MINPP1: variants seen among roughly 807,000 people sequenced by gnomAD.
The protein encoded by MINPP1 is multiple inositol polyphosphate phosphatase 1.
In MINPP1, 28 loss-of-function variants were observed where a neutral mutation model predicts 46.1. The ratio of observed to expected loss-of-function variants is 0.61; its 90% confidence interval spans 0.45 to 0.83. The LOEUF (loss-of-function observed/expected upper bound fraction) is 0.83, where lower values mean the gene tolerates loss of function less well. MINPP1 is among the 40% of genes least tolerant of loss of function. The pLI is 0.00. For synonymous variants in MINPP1, 268 were observed against 249.1 expected, an observed-to-expected ratio of 1.08 and a Z score of -0.72; for missense variants, 603 against 610.0, an observed-to-expected ratio of 0.99 and a Z score of 0.12.
chr10:87,515,572 G>A (rs891749629), intron 3 of MINPP1, among the ~76,000 whole-genome samples: 2 of 152,028 alleles, frequency 1.3e-5, no homozygotes, highest in Non-Finnish European at 2.9e-5. Flanking sequence ...ATTTACTTCA[G>A]CAATTTGTTA....
In MINPP1 at chr10:87,539,224, T is replaced by A. The variant is rs373829804; in HGVS notation, c.1068-12858T>A. On this transcript the variant is annotated intron_variant, in intron 4 of 4. Transcript: ENST00000371996. ...CAGACATTTATATAGATTACTCATT[T>A]GCTTTCATATATTTGTATTAATAGT... Among the ~76,000 whole-genome samples, 30 of 152,368 alleles carry A rather than the reference T, an allele frequency of 2.0e-4. No individual in the cohort carries two copies. In the South Asian group the frequency reaches 4.1e-3, roughly 21 times the overall value.
chr10:87,552,927 T>C lies in MINPP1; in HGVS notation c.*449T>C, dbSNP rs1341853663. 1 of 158,814 alleles carries C rather than the reference T, an allele frequency of 6.3e-6. No homozygotes were observed. The highest frequency in any genetic ancestry group is 1.4e-5 in the Non-Finnish European group (1 of 72,158). The allele number at this position is 158,814 out of a possible 1,614,324, so 9.8% of individuals were successfully genotyped here. ...AGGTAGGACAGCTCTAGCATTTTCTTAATCAGGAATATTGTGGTAAGCTGG... is the reference window on the plus strand; with the variant it reads ...AGGTAGGACAGCTCTAGCATTTTCTCAATCAGGAATATTGTGGTAAGCTGG... On this transcript the variant is annotated 3_prime_UTR_variant, in exon 5 of 5. Coordinates refer to ENST00000371996, the MANE Select transcript of MINPP1 (RefSeq NM_004897.5).
rs1304947621 is a variant in MINPP1 at position 87,505,049 on chromosome 10, C to T, written c.134C>T (p.Pro45Leu). The stretch of plus-strand genomic sequence containing the variant: ...GACCCGGTGGCCTCGTCGCTCAGCC[C>T]CTATTTCGGCACCAAGACTCGCTAC... Reference protein sequence around the residue: ...PRDPVASSLSPYFGTKTRYED... With the variant: ...PRDPVASSLSLYFGTKTRYED... Residue 45 changes from proline to leucine, a missense_variant, in exon 1 of 5, where the codon CCC becomes CTC. Coordinates refer to ENST00000371996, the MANE Select transcript of MINPP1 (RefSeq NM_004897.5). The surrounding 1 kb of genome is among the most constrained non-coding windows in gnomAD (Gnocchi z 4.4). 1 of 1,613,396 alleles carries T rather than the reference C, an allele frequency of 6.2e-7. No individual in the cohort carries two copies.
chr10:87,505,500 G>A lies in MINPP1; in HGVS notation c.585G>A (p.Leu195=), dbSNP rs151188172. 1.9e-5 allele frequency: 31 copies of A among 1,612,296 alleles called. No individual in the cohort carries two copies. The African/African-American group carries it at 2.8e-4, about 15-fold the overall frequency. Residue 195 remains leucine, a synonymous_variant, in exon 1 of 5, where the codon CTG becomes CTA. Transcript: ENST00000371996. The surrounding 1 kb of genome is among the most constrained non-coding windows in gnomAD (Gnocchi z 4.4). The part of the protein sequence containing the change: ...HRCMDSSAAF[L]QGLWQHYHPG... ...GCATGGATAGCAGCGCCGCCTTCCT[G>A]CAGGGGCTGTGGCAGCACTACCACC...
Position 87,504,943 on chromosome 10 carries a change from C to T in MINPP1, c.28C>T (p.Arg10Trp). 6.2e-7 allele frequency: 1 copy of T among 1,611,484 alleles called. No homozygotes were observed. Among genetic ancestry groups the T allele is most frequent in the Middle Eastern group, 1.7e-4 (1 of 6,054 alleles). ...GCTACGCGCGCCCGGCTGCCTCCTCCGGACCTCCGTAGCGCCTGCCGCGGC... is the reference window on the plus strand; with the variant it reads ...GCTACGCGCGCCCGGCTGCCTCCTCTGGACCTCCGTAGCGCCTGCCGCGGC... MLRAPGCLLRTSVAPAAALA... is the reference protein window; with the variant it reads MLRAPGCLLWTSVAPAAALA... Residue 10 changes from arginine (R) to tryptophan (W), a missense_variant, in exon 1 of 5, where the codon CGG (arginine) becomes TGG (tryptophan). This residue lies in a region of MINPP1 where 239 missense variants were observed against 189.4 expected (regional missense o/e 1.26). Transcript: ENST00000371996.
At chr10:87,506,683 A>G (rs1851256176) in intron 1 of MINPP1, among the ~76,000 whole-genome samples, 2 of 152,194 alleles carry the variant, frequency 1.3e-5, no homozygotes, top group Non-Finnish European at 1.5e-5. Flanking sequence ...TACCACAGAG[A>G]TGAGCAAGCA....
intron 3 of MINPP1, among the ~76,000 whole-genome samples, chr10:87,517,964 T>C (rs535925296): frequency 1.3e-5 from 2 of 150,372 alleles, no homozygotes; most frequent in South Asian, 4.2e-4. Context: ...ACCTGGCCTT[T>C]TTTTTTTTTT....
chr10:87,525,447 TTGTACA>T (rs1851563104), intron 4 of MINPP1, among the ~76,000 whole-genome samples: 1 of 152,240 alleles, frequency 6.6e-6, no homozygotes, highest in East Asian at 1.9e-4. Context: ...TTCTTCCATG[TTGTACA>T]TGTAGCAGTA....
At chr10:87,522,161 A>C (rs1028002473) in intron 4 of MINPP1, among the ~76,000 whole-genome samples, 1 of 152,224 alleles carries the variant, frequency 6.6e-6, no homozygotes, top group African/African-American at 2.4e-5. Flanking sequence ...GTAAAAAAAA[A>C]CGGAATGAAA....
At chr10:87,522,465 G>T (rs1851516436) in intron 4 of MINPP1, among the ~76,000 whole-genome samples, 1 of 152,068 alleles carries the variant, frequency 6.6e-6, no homozygotes, top group African/African-American at 2.4e-5. Flanking sequence ...CCAGACCACT[G>T]CAAAAAAGTG....
chr10:87,541,766 G>A (rs1851818651), intron 4 of MINPP1, among the ~76,000 whole-genome samples: 1 of 152,122 alleles, frequency 6.6e-6, no homozygotes, highest in African/African-American at 2.4e-5. Flanking sequence ...AGCGAGAGAA[G>A]GAAGAGGTCC....
intron 4 of MINPP1, among the ~76,000 whole-genome samples, chr10:87,522,394 T>A (rs10887725): frequency 0.71 from 107,402 of 152,058 alleles, 38,217 homozygotes; most frequent in African/African-American, 0.78. Context: ...CATTATTTTT[T>A]AAAACAGTTT....
intron 3 of MINPP1, among the ~76,000 whole-genome samples, chr10:87,519,756 G>C (rs1377707107): frequency 2.0e-5 from 3 of 151,896 alleles, no homozygotes; most frequent in Admixed American, 1.3e-4. Context: ...GGGAAGAAAG[G>C]TTTGTGACTA....
rs955382998 is a variant in MINPP1 at position 87,553,380 on chromosome 10, G to T, written c.*902G>T. On this transcript the variant is annotated 3_prime_UTR_variant, in exon 5 of 5. Coordinates refer to ENST00000371996, the MANE Select transcript of MINPP1 (RefSeq NM_004897.5). ...ATTTGCTATAATAAAGAAAATTCTT[G>T]TGACTTTACTACCAGGACTTTTCTC... The T allele has an allele frequency of 6.6e-6, 1 of 152,026 alleles. No homozygotes were observed. The highest frequency in any genetic ancestry group is 2.4e-5 in the African/African-American group (1 of 41,396). The allele number at this position is 152,026 out of a possible 1,614,324, so 9.4% of individuals were successfully genotyped here. A position where few individuals can be genotyped will look rare whatever the true frequency, so the allele number is the denominator to read the frequency against.
intron 4 of MINPP1, among the ~76,000 whole-genome samples, chr10:87,525,915 A>G (rs1036806168): frequency 1.3e-5 from 2 of 152,216 alleles, no homozygotes; most frequent in Admixed American, 6.5e-5. Flanking sequence ...ATAGTATTCC[A>G]TGGTGTATAA....
Position 87,552,154 on chromosome 10 carries a change from C to T in MINPP1, c.1140C>T (p.Leu380=), listed in dbSNP as rs1242167264. 6 of 1,613,694 alleles carry T rather than the reference C, an allele frequency of 3.7e-6. No homozygotes were observed. The highest frequency in any genetic ancestry group is 5.1e-6 in the Non-Finnish European group (6 of 1,179,752). Reference sequence around the variant, plus strand: ...AGACTCTTCTTCCACTGCTTTCTCTCATGGGCTACTTCAAAGACAAGGAAC... The same window carrying T: ...AGACTCTTCTTCCACTGCTTTCTCTTATGGGCTACTTCAAAGACAAGGAAC... The part of the protein sequence containing the change: ...HAETLLPLLS[L]MGYFKDKEPL... Residue 380 remains leucine (L), a synonymous_variant, in exon 5 of 5, where the codon CTC becomes CTT. Coordinates refer to ENST00000371996, the MANE Select transcript of MINPP1 (RefSeq NM_004897.5).
At chr10:87,540,550 T>C (rs1851801711) in intron 4 of MINPP1, among the ~76,000 whole-genome samples, 1 of 151,852 alleles carries the variant, frequency 6.6e-6, no homozygotes, top group Admixed American at 6.6e-5. Context: ...CATTCAGACA[T>C]ATACACATGC....
In MINPP1 at chr10:87,552,299, A is replaced by G. The variant is rs766831356; in HGVS notation, c.1285A>G (p.Lys429Glu). ...CCACTGTGAAAATGCTAAGACTCCT[A>G]AAGAACAATTCCGAGTGCAGATGTT... ...LYHCENAKTPKEQFRVQMLLN... is the reference protein window; with the variant it reads ...LYHCENAKTPEEQFRVQMLLN... The change falls in exon 5 of 5, where the codon AAA (lysine) becomes GAA (glutamate). Residue 429 changes from lysine to glutamate, a missense_variant. This residue lies in a region of MINPP1 where 344 missense variants were observed against 381.1 expected (regional missense o/e 0.90). Coordinates refer to ENST00000371996, the MANE Select transcript of MINPP1 (RefSeq NM_004897.5). 1.2e-6 allele frequency: 2 copies of G among 1,613,726 alleles called. No homozygotes were observed. The highest frequency in any genetic ancestry group is 1.7e-6 in the Non-Finnish European group (2 of 1,179,828).
chr10:87,553,445 G>A lies in MINPP1; in HGVS notation c.*967G>A, dbSNP rs772248577. Reference sequence around the variant, plus strand: ...ATACAATCAATAATTGATGGTAAAAGTTTGGAAATTCAAGCAGATTTGACT... The same window carrying A: ...ATACAATCAATAATTGATGGTAAAAATTTGGAAATTCAAGCAGATTTGACT... On this transcript the variant is annotated 3_prime_UTR_variant, in exon 5 of 5. Transcript: ENST00000371996. 4.6e-5 allele frequency: 7 copies of A among 151,932 alleles called. No homozygotes were observed. The highest frequency in any genetic ancestry group is 8.8e-5 in the Non-Finnish European group (6 of 67,994). The allele number at this position is 151,932 out of a possible 1,614,324, so 9.4% of individuals were successfully genotyped here.
Sources: gnomAD v4.1 joint callset for allele counts (sites outside exome capture counted in the v4.1 genomes callset) on GRCh38, gnomAD v4.1.1 for gene constraint, gnomAD v4.1.1 regional missense constraint, Gnocchi (gnomAD v3.1) non-coding constraint, MANE v1.5 for transcripts, NCBI Gene and HGNC (gene_info 2026-07-23, HGNC 2026-07-21) for gene names.